ST3GAL4: variants seen among roughly 807,000 people sequenced by gnomAD.
The protein encoded by ST3GAL4 is CMP-N-acetylneuraminate-beta-galactosamide-alpha-2,3-sialyltransferase 4.
ST3GAL4 carries 24 observed loss-of-function variants against 42.6 expected under a neutral mutation model. The ratio of observed to expected loss-of-function variants is 0.56; its 90% confidence interval spans 0.41 to 0.79. The LOEUF is 0.79. Ranked by LOEUF, ST3GAL4 falls within the 30% of genes least tolerant of loss-of-function variation. The pLI, the probability that ST3GAL4 is intolerant of heterozygous loss-of-function variation, is 0.00. For missense variants in ST3GAL4, 311 were observed against 430.8 expected (o/e 0.72, Z 2.46); for synonymous variants, 135 against 163.2 (o/e 0.83, Z 1.32).
chr11:126,364,616 T>C (rs1451060325), intron 1 of ST3GAL4, among the ~76,000 whole-genome samples: 5 of 144,198 alleles, frequency 3.5e-5, no homozygotes, highest in Non-Finnish European at 7.6e-5. Flanking sequence ...TAAATGCCAT[T>C]AAAAGGGGAA....
In ST3GAL4 at chr11:126,391,963, G is replaced by GTGTGTA. The variant is rs1355948813; in HGVS notation, c.-60-14128_-60-14127insATGTGT. 1.3e-5 allele frequency among the ~76,000 whole-genome samples: 2 copies of GTGTGTA among 151,018 alleles called. No individual in the cohort carries two copies. The highest frequency in any genetic ancestry group is 1.3e-4 in the Admixed American group (2 of 15,226). ...TGTGTGTGTGTGTGTGTGTGTGTGT[G>GTGTGTA]TGTGTGTGTATGTGTGTGTATGTGT... is the stretch of plus-strand genomic sequence containing the variant. On this transcript the variant is annotated intron_variant, in intron 1 of 10. Transcript: ENST00000444328. The surrounding 1 kb of genome is among the most constrained non-coding windows in gnomAD (Gnocchi z 5.5).
chr11:126,356,646 T>C (rs918587676), intron 1 of ST3GAL4, among the ~76,000 whole-genome samples: 2 of 152,206 alleles, frequency 1.3e-5, no homozygotes, highest in African/African-American at 4.8e-5. Context: ...AGGGAACTGC[T>C]GCCAGAAGGC....
At chr11:126,369,837 T>A (rs987648920) in intron 1 of ST3GAL4, among the ~76,000 whole-genome samples, 6 of 152,252 alleles carry the variant, frequency 3.9e-5, no homozygotes, top group Non-Finnish European at 8.8e-5. Flanking sequence ...TTTTGCATCC[T>A]TCTGAGTACT....
chr11:126,391,649 CT>C lies in ST3GAL4; in HGVS notation c.-60-14446del, dbSNP rs1226078533. 6.6e-6 allele frequency among the ~76,000 whole-genome samples: 1 copy of C among 152,058 alleles called. No individual in the cohort carries two copies. The highest frequency in any genetic ancestry group is 1.5e-5 in the Non-Finnish European group (1 of 68,006). On this transcript the variant is annotated intron_variant, in intron 1 of 10. Coordinates refer to ENST00000444328, the MANE Select transcript of ST3GAL4 (RefSeq NM_001254757.2). The surrounding 1 kb of genome is among the most constrained non-coding windows in gnomAD (Gnocchi z 5.5). ...GCAGTGCCTCTCCTTGCCTCCCTGGCTGCTACAAGGTCCTGTGTAGCATCTG... is the reference window on the plus strand; with the variant it reads ...GCAGTGCCTCTCCTTGCCTCCCTGGCGCTACAAGGTCCTGTGTAGCATCTG...
chr11:126,386,163 C>CT lies in ST3GAL4; in HGVS notation c.-60-19932dup, dbSNP rs1344216502. On this transcript the variant is annotated intron_variant, in intron 1 of 10. Coordinates refer to ENST00000444328, the MANE Select transcript of ST3GAL4 (RefSeq NM_001254757.2). The surrounding 1 kb of genome is among the most constrained non-coding windows in gnomAD (Gnocchi z 4.7). The stretch of plus-strand genomic sequence containing the variant: ...TAGCCGGCTCCTCAGAGACATGGTT[C>CT]TATCCCCCCAGTGGCCAAGGGCTGG... 6.6e-6 allele frequency among the ~76,000 whole-genome samples: 1 copy of CT among 152,200 alleles called. No homozygotes were observed. Among genetic ancestry groups the CT allele is most frequent in the African/African-American group, 2.4e-5 (1 of 41,446 alleles).
At chr11:126,399,417 G>A (rs1953915086) in intron 1 of ST3GAL4, among the ~76,000 whole-genome samples, 1 of 137,270 alleles carries the variant, frequency 7.3e-6, no homozygotes, top group South Asian at 2.4e-4. Context: ...CCATTCTCCT[G>A]CCTTAGCCTC....
chr11:126,389,408 C>T (rs532859410), intron 1 of ST3GAL4, among the ~76,000 whole-genome samples: 1 of 152,214 alleles, frequency 6.6e-6, no homozygotes, highest in African/African-American at 2.4e-5. Flanking sequence ...TTTATTCTTC[C>T]CCATCTCCCC....
intron 9 of ST3GAL4, among the ~76,000 whole-genome samples, chr11:126,412,938 G>A (rs891741964): frequency 1.3e-5 from 2 of 152,206 alleles, no homozygotes; most frequent in African/African-American, 4.8e-5. Context: ...TAAACATAGT[G>A]TCTGGCACAT....
At chr11:126,404,319 G>C (rs909167963) in intron 1 of ST3GAL4, among the ~76,000 whole-genome samples, 3 of 152,206 alleles carry the variant, frequency 2.0e-5, no homozygotes, top group African/African-American at 7.2e-5. Flanking sequence ...CTGCAGGTCA[G>C]AGAGGGAGGT....
chr11:126,358,863 T>A (rs528803320), intron 1 of ST3GAL4, among the ~76,000 whole-genome samples: 1 of 152,322 alleles, frequency 6.6e-6, no homozygotes, highest in Non-Finnish European at 1.5e-5. Context: ...TGGGTGCCAC[T>A]GCTGGCCCAG....
chr11:126,377,854 G>A (rs1952877279), intron 1 of ST3GAL4, among the ~76,000 whole-genome samples: 1 of 152,210 alleles, frequency 6.6e-6, no homozygotes, highest in African/African-American at 2.4e-5. Context: ...CTATTGTACA[G>A]TACTACTGAG....
rs1255968364 is a variant in ST3GAL4, at chr11:126,396,060, C to T, written c.-60-10036C>T. Among the ~76,000 whole-genome samples the T allele has an allele frequency of 2.6e-5, 4 of 151,254 alleles. No individual in the cohort carries two copies. Among genetic ancestry groups the T allele is most frequent in the African/African-American group, 7.4e-5 (3 of 40,728 alleles). ...TTCTTGGCACTTGCAATTAGCGGAC[C>T]GTCTGTATCCGAGTGTTGATCGGGT... On this transcript the variant is annotated intron_variant, in intron 1 of 10. Transcript: ENST00000444328. The surrounding 1 kb of genome is among the most constrained non-coding windows in gnomAD (Gnocchi z 5.8).
At chr11:126,358,606 AG>A (rs1274148690) in intron 1 of ST3GAL4, 1 of 308,280 alleles carries the variant, frequency 3.2e-6, no homozygotes, top group Non-Finnish European at 6.8e-6. Context: ...GCCCTAGCCA[AG>A]TGCTGGTCAG....
Position 126,378,432 on chromosome 11 carries a change from C to T in ST3GAL4, c.-61+22590C>T, listed in dbSNP as rs1226341681. On this transcript the variant is annotated intron_variant, in intron 1 of 10. Coordinates refer to ENST00000444328, the MANE Select transcript of ST3GAL4 (RefSeq NM_001254757.2). The surrounding 1 kb of genome is among the most constrained non-coding windows in gnomAD (Gnocchi z 5.3). ...TGATTGGTTTTCTTTTTATTTGAGA[C>T]GGAGTCTTGCTGTGTCACTCAGGCT... 3.3e-5 allele frequency among the ~76,000 whole-genome samples: 5 copies of T among 152,158 alleles called. No homozygotes were observed. Among genetic ancestry groups the T allele is most frequent in the South Asian group, 2.1e-4 (1 of 4,834 alleles).
At chr11:126,403,786 C>G (rs1469210068) in intron 1 of ST3GAL4, among the ~76,000 whole-genome samples, 1 of 152,170 alleles carries the variant, frequency 6.6e-6, no homozygotes, top group Non-Finnish European at 1.5e-5. Flanking sequence ...AAGAGTAGTT[C>G]TAGCCATGCA....
chr11:126,375,921 C>T (rs1192520133), intron 1 of ST3GAL4, among the ~76,000 whole-genome samples: 3 of 129,522 alleles, frequency 2.3e-5, no homozygotes, highest in Admixed American at 8.8e-5. Flanking sequence ...ATCCTGGTTT[C>T]GCACAAAGTG....
At position 126,406,185 on chromosome 11, in the gene ST3GAL4, G is replaced by C. The variant is rs780341196; in HGVS notation, c.16+14G>C. The C allele has an allele frequency of 4.5e-6, 7 of 1,557,424 alleles. No homozygotes were observed. The South Asian group carries it at 8.3e-5, about 18-fold the overall frequency. On this transcript the variant is annotated intron_variant, in intron 2 of 10. Transcript: ENST00000444328. This position sits in a 1 kb window ranked among gnomAD's most constrained non-coding sequence, Gnocchi z 5.4. ...TCAGCAAGTCCCGTGAGTGTCATCC[G>C]AGGGCTCCCCCACCCTGGAGGACAG...
At chr11:126,369,253 T>TC (rs1245898171) in intron 1 of ST3GAL4, among the ~76,000 whole-genome samples, 2 of 151,578 alleles carry the variant, frequency 1.3e-5, no homozygotes, top group African/African-American at 4.9e-5. Flanking sequence ...TCTCTCTTTT[T>TC]TTTGGGGGGG....
chr11:126,413,494 C>G lies in ST3GAL4; in HGVS notation c.772-11C>G, dbSNP rs1466812352. ...GGCTCCCACTAACACCCTCCTGCCC[C>G]TGTTCCTCAGAAGCCCACCACGGGC... On this transcript the variant is annotated splice_polypyrimidine_tract_variant and intron_variant, in intron 9 of 10. Transcript: ENST00000444328. 1.2e-6 allele frequency: 2 copies of G among 1,613,586 alleles called. No individual in the cohort carries two copies. Among genetic ancestry groups the G allele is most frequent in the Non-Finnish European group, 1.7e-6 (2 of 1,179,934 alleles).
Sources: gnomAD v4.1 joint callset for allele counts (sites outside exome capture counted in the v4.1 genomes callset) on GRCh38, gnomAD v4.1.1 for gene constraint, Gnocchi (gnomAD v3.1) non-coding constraint, MANE v1.5 for transcripts, NCBI Gene and HGNC (gene_info 2026-07-23, HGNC 2026-07-21) for gene names.